DLGAP2: variants seen among roughly 807,000 people sequenced by gnomAD.
DLGAP2 encodes disks large-associated protein 2.
DLGAP2 carries 26 observed loss-of-function variants against 100.3 expected under a neutral mutation model. That is an observed-to-expected ratio of 0.26 (90% confidence interval 0.19 to 0.36). The LOEUF (loss-of-function observed/expected upper bound fraction) is 0.36. DLGAP2 is among the 10% of genes least tolerant of loss of function. The pLI, the probability that DLGAP2 is intolerant of heterozygous loss-of-function variation, is 1.00. For missense variants in DLGAP2, 1,858 were observed against 1,453.2 expected (o/e 1.28, Z -4.53); for synonymous variants, 886 against 630.1 (o/e 1.41, Z -6.08).
intron 10 of DLGAP2, among the ~76,000 whole-genome samples, chr8:1,674,015 G>A (rs1421296173): frequency 6.6e-6 from 1 of 152,244 alleles, no homozygotes; most frequent in East Asian, 1.9e-4. Context: ...GTTCTTTAAA[G>A]TCTGTATTAT....
intron 2 of DLGAP2, among the ~76,000 whole-genome samples, chr8:944,676 G>A (rs1254898907): frequency 1.3e-5 from 2 of 151,948 alleles, no homozygotes; most frequent in Non-Finnish European, 2.9e-5. Context: ...AATGATCCCT[G>A]CGGGTGATCC....
At chr8:1,561,156 T>C (rs910517802) in intron 5 of DLGAP2, among the ~76,000 whole-genome samples, 7 of 152,174 alleles carry the variant, frequency 4.6e-5, no homozygotes, top group African/African-American at 1.7e-4. Context: ...CCTGCCACCA[T>C]GTAAGACATG....
At chr8:1,169,593 T>G (rs1034396748) in intron 2 of DLGAP2, among the ~76,000 whole-genome samples, 1 of 152,234 alleles carries the variant, frequency 6.6e-6, no homozygotes, top group African/African-American at 2.4e-5. Context: ...GAAAAGGTCC[T>G]TCACGTCCCT....
chr8:897,736 T>C (rs535902528), intron 1 of DLGAP2, among the ~76,000 whole-genome samples: 1 of 151,722 alleles, frequency 6.6e-6, no homozygotes, highest in South Asian at 2.1e-4. Context: ...GAGTTTCGGG[T>C]GAGCCAGAAG....
At position 1,304,424 on chromosome 8, in the gene DLGAP2, A is replaced by AT. The variant is rs573548411; in HGVS notation, c.106+45547dup. Reference sequence around the variant, plus strand: ...ACGTATGCAGAAAGTTGTACATGAGATTTTTTAAAAAATGACAACCCACAT... The same window carrying AT: ...ACGTATGCAGAAAGTTGTACATGAGATTTTTTTAAAAAATGACAACCCACAT... On this transcript the variant is annotated intron_variant, in intron 3 of 14. Coordinates refer to ENST00000637795, the MANE Select transcript of DLGAP2 (RefSeq NM_001346810.2). Among the ~76,000 whole-genome samples, 32 of 152,314 alleles carry AT rather than the reference A, an allele frequency of 2.1e-4. 1 individual carries two copies. The East Asian group carries it at 3.9e-3, about 18-fold the overall frequency.
At chr8:872,629 T>C (rs1797620119) in intron 1 of DLGAP2, among the ~76,000 whole-genome samples, 1 of 152,202 alleles carries the variant, frequency 6.6e-6, no homozygotes, top group African/African-American at 2.4e-5. Context: ...GCGCCCGGCC[T>C]TCTCTCACTT....
intron 1 of DLGAP2, among the ~76,000 whole-genome samples, chr8:814,628 A>G (rs1027735897): frequency 2.6e-5 from 4 of 151,896 alleles, no homozygotes; most frequent in Non-Finnish European, 4.4e-5. Flanking sequence ...CAGGTGGATC[A>G]CGAGGTCAGG....
chr8:1,431,507 G>C (rs1168991693), intron 3 of DLGAP2, among the ~76,000 whole-genome samples: 5 of 152,238 alleles, frequency 3.3e-5, no homozygotes, highest in Non-Finnish European at 7.3e-5. Flanking sequence ...AGAAGAGAAA[G>C]GAGAAAGGAA....
intron 9 of DLGAP2, 31 bp downstream of exon 9, chr8:1,668,709 C>T (rs913923380): frequency 2.7e-6 from 4 of 1,487,446 alleles, no homozygotes; most frequent in South Asian, 1.3e-5. Context: ...GTCAGGGCCT[C>T]GCTCCACTCA....
intron 2 of DLGAP2, among the ~76,000 whole-genome samples, chr8:1,255,680 G>C (rs1320241796): frequency 3.0e-5 from 4 of 135,272 alleles, no homozygotes; most frequent in East Asian, 2.3e-4. Flanking sequence ...TCCTGCCTGG[G>C]AGCTGTGTGT....
chr8:967,610 C>T (rs1439925771), intron 2 of DLGAP2, among the ~76,000 whole-genome samples: 1 of 150,540 alleles, frequency 6.6e-6, no homozygotes, highest in Non-Finnish European at 1.5e-5. Flanking sequence ...CATTTCAATG[C>T]ACAATTTGAC....
intron 1 of DLGAP2, among the ~76,000 whole-genome samples, chr8:825,988 C>G (rs1796678590): frequency 6.6e-6 from 1 of 151,138 alleles, no homozygotes; most frequent in African/African-American, 2.4e-5. Context: ...TTCTTACCCT[C>G]CACTACCCTG....
At chr8:1,122,777 T>G (rs767400398) in intron 2 of DLGAP2, among the ~76,000 whole-genome samples, 1 of 151,984 alleles carries the variant, frequency 6.6e-6, no homozygotes, top group Non-Finnish European at 1.5e-5. Context: ...TTTTCTTTTC[T>G]GGAAGCTGTC....
intron 6 of DLGAP2, among the ~76,000 whole-genome samples, chr8:1,594,523 C>T (rs560574909): frequency 7.2e-5 from 11 of 152,182 alleles, no homozygotes; most frequent in African/African-American, 2.2e-4. Flanking sequence ...AAGACAACAT[C>T]GTTACAAATA....
At chr8:876,667 A>G (rs1604631) in intron 1 of DLGAP2, among the ~76,000 whole-genome samples, 123,254 of 152,126 alleles carry the variant, frequency 0.81, 50,922 homozygotes, top group African/African-American at 0.88. Flanking sequence ...GGATGTGTAC[A>G]TTATTGTTTT....
chr8:1,168,321 G>C (rs1003153301), intron 2 of DLGAP2, among the ~76,000 whole-genome samples: 6 of 151,770 alleles, frequency 4.0e-5, no homozygotes, highest in Non-Finnish European at 5.9e-5. Flanking sequence ...TTGCTATTGT[G>C]AATAGTGCCG....
In DLGAP2 at chr8:1,351,860, G is replaced by T. The variant is rs1186005050; in HGVS notation, c.106+92977G>T. ...GCGGGTCCTGAGTGTGCGTGGAAAGGCCGTGCAGGTCCTGACTGTGTTTGG... is the reference window on the plus strand; with the variant it reads ...GCGGGTCCTGAGTGTGCGTGGAAAGTCCGTGCAGGTCCTGACTGTGTTTGG... On this transcript the variant is annotated intron_variant, in intron 3 of 14. Coordinates refer to ENST00000637795, the MANE Select transcript of DLGAP2 (RefSeq NM_001346810.2). 2.1e-5 allele frequency among the ~76,000 whole-genome samples: 2 copies of T among 94,246 alleles called. 1 individual carries two copies. Among genetic ancestry groups the T allele is most frequent in the Non-Finnish European group, 4.5e-5 (2 of 44,582 alleles). 61.8% of individuals were successfully genotyped at this position (94,246 alleles called of 152,430 possible).
At chr8:1,237,474 G>T (rs1384756022) in intron 2 of DLGAP2, among the ~76,000 whole-genome samples, 2 of 141,670 alleles carry the variant, frequency 1.4e-5, no homozygotes, top group African/African-American at 2.7e-5. Flanking sequence ...ACATGGTGCC[G>T]TGTCTAGTTC....
intron 2 of DLGAP2, among the ~76,000 whole-genome samples, chr8:935,038 A>G (rs1386783700): frequency 6.6e-6 from 1 of 152,212 alleles, no homozygotes; most frequent in East Asian, 1.9e-4. Context: ...TGGGAAGGGC[A>G]CAATACCTCA....
Sources: allele counts gnomAD v4.1 joint callset (sites outside exome capture counted in the v4.1 genomes callset), GRCh38; gene constraint gnomAD v4.1.1; transcripts MANE v1.5; gene names NCBI Gene and HGNC (gene_info 2026-07-23, HGNC 2026-07-21).